Variants in ADAMTS17 observed in about 807,000 individuals in gnomAD.
The protein encoded by ADAMTS17 is ADAM metallopeptidase with thrombospondin type 1 motif 17.
In ADAMTS17, 113 loss-of-function variants were observed where a neutral mutation model predicts 141.5. The observed-to-expected ratio is 0.80, with a 90% CI of 0.69 to 0.93. The LOEUF is 0.93. Among genes scored for constraint, ADAMTS17 ranks in the 40% least tolerant of loss-of-function variants. The pLI, the probability that ADAMTS17 is intolerant of heterozygous loss-of-function variation, is 0.00. For missense variants in ADAMTS17, 1,659 were observed against 1,517.9 expected (o/e 1.09, Z -1.54); for synonymous variants, 768 against 630.6 (o/e 1.22, Z -3.27).
At chr15:100,116,590 G>A (rs1219031410) in intron 13 of ADAMTS17, among the ~76,000 whole-genome samples, 4 of 152,228 alleles carry the variant, frequency 2.6e-5, no homozygotes, top group South Asian at 2.1e-4. Flanking sequence ...CAGCCTCCTC[G>A]CTACAAATGG....
In ADAMTS17 at chr15:100,127,310, A is replaced by T. The variant is rs1020225895; in HGVS notation, c.1721+4697T>A. On this transcript the variant is annotated intron_variant, in intron 12 of 21. Coordinates refer to ENST00000268070, the MANE Select transcript of ADAMTS17 (RefSeq NM_139057.4). Reference sequence around the variant, plus strand: ...AAATCCAATGACAAGCGTTCTTCCAAGGGAAGAAAAGGTGAGAGGACACAC... The same window carrying T: ...AAATCCAATGACAAGCGTTCTTCCATGGGAAGAAAAGGTGAGAGGACACAC... Among the ~76,000 whole-genome samples, 5 of 152,166 alleles carry T rather than the reference A, an allele frequency of 3.3e-5. No homozygotes were observed. In the East Asian group the frequency reaches 5.8e-4, roughly 18 times the overall value.
intron 20 of ADAMTS17, among the ~76,000 whole-genome samples, chr15:99,983,349 G>C (rs1056490372): frequency 6.6e-6 from 1 of 152,114 alleles, no homozygotes; most frequent in African/African-American, 2.4e-5. Context: ...TGAGGTTTCA[G>C]AGCGTCCATG....
At chr15:100,161,061 G>C (rs2039670886) in intron 8 of ADAMTS17, among the ~76,000 whole-genome samples, 1 of 152,200 alleles carries the variant, frequency 6.6e-6, no homozygotes, top group South Asian at 2.1e-4. Flanking sequence ...GTGGGGCTGA[G>C]GGCACAGATG....
chr15:100,095,998 C>T (rs771944906), intron 15 of ADAMTS17, among the ~76,000 whole-genome samples: 2 of 152,178 alleles, frequency 1.3e-5, no homozygotes, highest in Admixed American at 6.5e-5. Flanking sequence ...CGTCTTCCAT[C>T]GACAGGTAAA....
rs909000801 is a variant in ADAMTS17, at chr15:99,993,576, G to A, written c.2797-376C>T. On this transcript the variant is annotated intron_variant, in intron 19 of 21. Coordinates refer to ENST00000268070, the MANE Select transcript of ADAMTS17 (RefSeq NM_139057.4). The surrounding 1 kb of genome is among the most constrained non-coding windows in gnomAD (Gnocchi z 4.3). ...GTGGGGCAGGGAACAGGGGCCAGCC[G>A]GAGCAAGGTGAGGCCCTAAAGCTGA... Among the ~76,000 whole-genome samples, 4 of 152,186 alleles carry A rather than the reference G, an allele frequency of 2.6e-5. No individual in the cohort carries two copies. Among genetic ancestry groups the A allele is most frequent in the East Asian group, 1.9e-4 (1 of 5,200 alleles).
At chr15:100,033,236 T>C (rs2030357587) in intron 18 of ADAMTS17, among the ~76,000 whole-genome samples, 1 of 152,156 alleles carries the variant, frequency 6.6e-6, no homozygotes, top group Admixed American at 6.5e-5. Flanking sequence ...TGGTACAATC[T>C]TGAGGTTAAA....
chr15:100,314,478 C>T (rs150921781), intron 3 of ADAMTS17, among the ~76,000 whole-genome samples: 4 of 151,828 alleles, frequency 2.6e-5, no homozygotes, highest in East Asian at 3.9e-4. Context: ...GGTTGGAATA[C>T]GAAAGAGAGG....
intron 13 of ADAMTS17, among the ~76,000 whole-genome samples, chr15:100,112,607 C>T (rs2036857233): frequency 6.6e-6 from 1 of 152,074 alleles, no homozygotes; most frequent in Admixed American, 6.6e-5. Context: ...TTGCACCCAG[C>T]ATCAACACTC....
At chr15:100,078,316 G>A (rs775644903) in intron 15 of ADAMTS17, among the ~76,000 whole-genome samples, 1 of 151,538 alleles carries the variant, frequency 6.6e-6, no homozygotes, top group Non-Finnish European at 1.5e-5. Context: ...AGAAGTTGAA[G>A]AACTCAGATT....
chr15:100,028,182 C>T (rs923875077), intron 18 of ADAMTS17, among the ~76,000 whole-genome samples: 1 of 152,216 alleles, frequency 6.6e-6, no homozygotes, highest in African/African-American at 2.4e-5. Context: ...CCCAATAACA[C>T]TGTCAGACAG....
intron 21 of ADAMTS17, 80 bp from the exon 22 acceptor site, chr15:99,974,642 G>A (rs2060283341): frequency 6.4e-6 from 10 of 1,570,106 alleles, no homozygotes; most frequent in South Asian, 1.1e-5. Context: ...AGGGCTTGTG[G>A]TCTGACCGTC....
At chr15:100,027,631 T>C (rs868705280) in intron 18 of ADAMTS17, among the ~76,000 whole-genome samples, 11 of 152,270 alleles carry the variant, frequency 7.2e-5, no homozygotes, top group African/African-American at 1.2e-4. Context: ...ACAGAGACTA[T>C]ACAGCTTGTA....
At position 100,257,361 on chromosome 15, in the gene ADAMTS17, G is replaced by A. The variant is rs147229610; in HGVS notation, c.1032-3182C>T. On this transcript the variant is annotated intron_variant, in intron 6 of 21. Coordinates refer to ENST00000268070, the MANE Select transcript of ADAMTS17 (RefSeq NM_139057.4). Reference sequence around the variant, plus strand: ...TCAGCTTCCTGCCCGACTCCACTGCGGCCTCCCCCGTCCTTCAAGGAGATC... The same window carrying A: ...TCAGCTTCCTGCCCGACTCCACTGCAGCCTCCCCCGTCCTTCAAGGAGATC... Among the ~76,000 whole-genome samples the A allele has an allele frequency of 1.9e-3, 295 of 152,310 alleles. 1 individual carries two copies. Among genetic ancestry groups the A allele is most frequent in the African/African-American group, 6.5e-3 (270 of 41,560 alleles).
chr15:100,170,154 G>T (rs1193799907), intron 8 of ADAMTS17, among the ~76,000 whole-genome samples: 2 of 152,098 alleles, frequency 1.3e-5, no homozygotes, highest in Non-Finnish European at 2.9e-5. Context: ...GGGGCATGGG[G>T]TGGGGGTAGA....
At chr15:100,322,630 G>A (rs1450112531) in intron 3 of ADAMTS17, among the ~76,000 whole-genome samples, 5 of 152,174 alleles carry the variant, frequency 3.3e-5, no homozygotes, top group Non-Finnish European at 5.9e-5. Context: ...CCAGATGTTA[G>A]AATAGCAGAC....
chr15:100,234,473 C>T (rs752746369), intron 7 of ADAMTS17, among the ~76,000 whole-genome samples: 10 of 152,206 alleles, frequency 6.6e-5, no homozygotes, highest in Non-Finnish European at 1.3e-4. Context: ...CCCCTTCTTG[C>T]ACTCTGTGAC....
At chr15:100,200,702 T>A (rs2041296217) in intron 7 of ADAMTS17, among the ~76,000 whole-genome samples, 1 of 152,194 alleles carries the variant, frequency 6.6e-6, no homozygotes, top group Non-Finnish European at 1.5e-5. Flanking sequence ...CATAGCGCCA[T>A]GGGGCGGATG....
At chr15:100,007,706 G>A (rs2061064271) in intron 18 of ADAMTS17, among the ~76,000 whole-genome samples, 2 of 152,226 alleles carry the variant, frequency 1.3e-5, no homozygotes, top group East Asian at 1.9e-4. Flanking sequence ...GGCCTGCGGT[G>A]GAAGGGTGGC....
intron 6 of ADAMTS17, 65 bp from the exon 7 acceptor site, chr15:100,254,244 T>C: frequency 6.9e-7 from 1 of 1,444,838 alleles, no homozygotes; most frequent in Non-Finnish European, 9.7e-7. Flanking sequence ...AAGAAAACAC[T>C]GTGAATTAAC....
Sources: gnomAD v4.1 joint callset for allele counts (sites outside exome capture counted in the v4.1 genomes callset) on GRCh38, gnomAD v4.1.1 for gene constraint, Gnocchi (gnomAD v3.1) non-coding constraint, MANE v1.5 for transcripts, NCBI Gene and HGNC (gene_info 2026-07-23, HGNC 2026-07-21) for gene names.